INTS7: variants seen among roughly 807,000 people sequenced by gnomAD.
The protein encoded by INTS7 is integrator complex subunit 7.
Under a neutral mutation model 109.2 loss-of-function variants are expected in INTS7, and 46 were observed. That is an observed-to-expected ratio of 0.42 (90% CI 0.33 to 0.54). The LOEUF (loss-of-function observed/expected upper bound fraction) is 0.54. Among genes scored for constraint, INTS7 ranks in the 20% least tolerant of loss-of-function variants. The pLI, the probability that INTS7 is intolerant of heterozygous loss-of-function variation, is 0.07. For missense variants in INTS7, 929 were observed against 1,132.4 expected (o/e 0.82, Z 2.58); for synonymous variants, 412 against 402.9 (o/e 1.02, Z -0.27).
intron 17 of INTS7, among the ~76,000 whole-genome samples, chr1:211,948,107 C>T (rs1212028214): frequency 6.6e-6 from 1 of 152,182 alleles, no homozygotes; most frequent in Admixed American, 6.5e-5. Context: ...TGCTGTCTGT[C>T]CCTCTAGGCT....
intron 13 of INTS7, 118 bp from the exon 14 acceptor site, chr1:211,968,825 G>T: frequency 1.6e-6 from 1 of 610,876 alleles, no homozygotes; most frequent in Non-Finnish European, 2.8e-6. Context: ...AAACACTGAC[G>T]GATAAAGACC....
At chr1:212,015,242 C>T (rs1196223419) in intron 4 of INTS7, among the ~76,000 whole-genome samples, 1 of 151,950 alleles carries the variant, frequency 6.6e-6, no homozygotes, top group African/African-American at 2.4e-5. Flanking sequence ...GCCATGACGA[C>T]GATGGGGGTT....
intron 7 of INTS7, among the ~76,000 whole-genome samples, chr1:212,005,782 C>T (rs150167712): frequency 2.4e-4 from 36 of 152,262 alleles, no homozygotes; most frequent in African/African-American, 8.4e-4. Flanking sequence ...CTCTCTTAAG[C>T]ATATTAAGTC....
At chr1:211,980,902 G>A (rs556186678) in intron 10 of INTS7, among the ~76,000 whole-genome samples, 191 bp downstream of exon 10, 15 of 152,144 alleles carry the variant, frequency 9.9e-5, no homozygotes, top group African/African-American at 3.6e-4. Flanking sequence ...TTTATGAGTC[G>A]GCTGCAGTCA....
Position 211,960,770 on chromosome 1 carries a change from T to A in INTS7, c.2183+5660A>T, listed in dbSNP as rs75066225. ...AGACAAGAATAGAGAAAAAACACTT[T>A]GGGAGGCTAAGATGGGTCGATCACT... On this transcript the variant is annotated intron_variant, in intron 16 of 19. Transcript: ENST00000366994. Among the ~76,000 whole-genome samples, 816 of 152,228 alleles carry A rather than the reference T, an allele frequency of 5.4e-3. 4 individuals are homozygous for A. The highest frequency in any genetic ancestry group is 0.019 in the African/African-American group (773 of 41,538).
chr1:212,000,472 T>C (rs1337387927), intron 7 of INTS7, among the ~76,000 whole-genome samples: 2 of 152,202 alleles, frequency 1.3e-5, no homozygotes, highest in Non-Finnish European at 2.9e-5. Context: ...CCAGTTCATT[T>C]TAAGACAGCA....
Position 211,975,474 on chromosome 1 carries a change from T to G in INTS7, c.1609-102A>C, listed in dbSNP as rs1216574968. 9 of 797,102 alleles carry G rather than the reference T, an allele frequency of 1.1e-5. No homozygotes were observed. In the Admixed American group the frequency reaches 1.8e-4, roughly 16 times the overall value. 49.4% of individuals were successfully genotyped at this position (797,102 alleles called of 1,614,324 possible). On this transcript the variant is annotated intron_variant, in intron 12 of 19. Transcript: ENST00000366994. ...AGCAGCTAAAAGAGAAACCCAAACC[T>G]TGGATAAGTCTGAACAATCATTCCT...
Position 211,982,676 on chromosome 1 carries a change from C to T in INTS7, c.1132G>A (p.Asp378Asn). 2 of 1,599,766 alleles carry T rather than the reference C, an allele frequency of 1.3e-6. No homozygotes were observed. The highest frequency in any genetic ancestry group is 8.5e-7 in the Non-Finnish European group (1 of 1,173,418). ...TAATATCAGTCCTGATCAAACTTAC[C>T]CTTTTCTTGACAAGAAACAGTTATA... ...TNITVSCQEK[D>N]LLALEQDAVF... The change falls in exon 9 of 20, where the codon GAT becomes AAT. Residue 378 changes from aspartate to asparagine, a missense_variant and splice_region_variant. Asp to Asn is a conservative substitution (Grantham distance 23, BLOSUM62 1). Coordinates refer to ENST00000366994, the MANE Select transcript of INTS7 (RefSeq NM_015434.4).
intron 7 of INTS7, 51 bp downstream of exon 7, chr1:212,006,588 T>C: frequency 1.1e-6 from 1 of 933,082 alleles, no homozygotes; most frequent in Non-Finnish European, 1.5e-6. Context: ...TTTTACTATA[T>C]TATAATGTTA....
At chr1:212,023,060 A>C (rs1377800888) in intron 1 of INTS7, among the ~76,000 whole-genome samples, 1 of 152,192 alleles carries the variant, frequency 6.6e-6, no homozygotes, top group African/African-American at 2.4e-5. Context: ...AGCTGCATCC[A>C]TGTTGCTGCA....
In INTS7 at chr1:211,989,058, A is replaced by AT. The variant is rs146150232; in HGVS notation, c.880-1056_880-1055insA. Among the ~76,000 whole-genome samples the AT allele has an allele frequency of 2.9e-4, 44 of 152,340 alleles. No homozygotes were observed. In the East Asian group the frequency reaches 7.9e-3, roughly 27 times the overall value. ...TTAAATTAATTTCCATTCTCCCACA[A>AT]AGATAAAGGTTCAGAAAATAAGCAA... On this transcript the variant is annotated intron_variant, in intron 7 of 19. Coordinates refer to ENST00000366994, the MANE Select transcript of INTS7 (RefSeq NM_015434.4).
chr1:212,016,364 T>C (rs1014152292), intron 4 of INTS7, among the ~76,000 whole-genome samples: 2 of 152,208 alleles, frequency 1.3e-5, no homozygotes, highest in East Asian at 3.8e-4. Flanking sequence ...CAATCAAACA[T>C]AGTAATAAAA....
intron 4 of INTS7, among the ~76,000 whole-genome samples, chr1:212,013,315 C>T (rs762052172): frequency 5.3e-5 from 8 of 151,936 alleles, no homozygotes; most frequent in Non-Finnish European, 1.2e-4. Flanking sequence ...GACACTGTGC[C>T]CAGCTATGTC....
intron 7 of INTS7, among the ~76,000 whole-genome samples, chr1:212,003,743 A>G (rs1266853154): frequency 2.0e-5 from 3 of 152,246 alleles, no homozygotes; most frequent in South Asian, 4.1e-4. Context: ...TTTTAGCAGA[A>G]TTAACTTTAG....
Position 211,942,591 on chromosome 1 carries a change from T to C in INTS7, c.2602-480A>G, listed in dbSNP as rs1287828133. Among the ~76,000 whole-genome samples the C allele has an allele frequency of 6.6e-6, 1 of 152,192 alleles. No individual in the cohort carries two copies. Among genetic ancestry groups the C allele is most frequent in the Non-Finnish European group, 1.5e-5 (1 of 68,038 alleles). ...AACAAAACACTAAGCAAATTTAAGT[T>C]AGGTTCCCCCCCAACAGTTAGTCTG... On this transcript the variant is annotated intron_variant, in intron 19 of 19. Coordinates refer to ENST00000366994, the MANE Select transcript of INTS7 (RefSeq NM_015434.4). The surrounding 1 kb of genome is among the most constrained non-coding windows in gnomAD (Gnocchi z 4.2).
chr1:211,966,122 T>C (rs1038641750), intron 16 of INTS7: 2 of 175,612 alleles, frequency 1.1e-5, no homozygotes, highest in African/African-American at 4.7e-5. Flanking sequence ...GAAAAAAATC[T>C]CAAGTTCAAG....
rs986387354 is a variant in INTS7 at position 211,946,714 on chromosome 1, A to T, written c.2317-9T>A. The T allele has an allele frequency of 6.3e-7, 1 of 1,577,624 alleles. No homozygotes were observed. The highest frequency in any genetic ancestry group is 1.4e-5 in the African/African-American group (1 of 73,476). Reference sequence around the variant, plus strand: ...CAGAGGCATGCTGTGTGCTGGGGGAAAAAAGAAACTAAATCAAATAAAAAT... The same window carrying T: ...CAGAGGCATGCTGTGTGCTGGGGGATAAAAGAAACTAAATCAAATAAAAAT... On this transcript the variant is annotated splice_polypyrimidine_tract_variant and intron_variant, in intron 17 of 19. Coordinates refer to ENST00000366994, the MANE Select transcript of INTS7 (RefSeq NM_015434.4). This position sits in a 1 kb window ranked among gnomAD's most constrained non-coding sequence, Gnocchi z 4.3.
chr1:212,008,598 C>T (rs1003790037), intron 5 of INTS7, among the ~76,000 whole-genome samples: 2 of 152,116 alleles, frequency 1.3e-5, no homozygotes, highest in African/African-American at 4.8e-5. Flanking sequence ...CCTCCTGCCC[C>T]GACGTCAGAC....
intron 5 of INTS7, among the ~76,000 whole-genome samples, chr1:212,010,659 G>A (rs1006752557): frequency 2.6e-5 from 4 of 152,150 alleles, no homozygotes; most frequent in South Asian, 4.1e-4. Flanking sequence ...TGTAGTCATT[G>A]TAACACCACA....
Sources: allele counts gnomAD v4.1 joint callset (sites outside exome capture counted in the v4.1 genomes callset), GRCh38; gene constraint gnomAD v4.1.1; non-coding constraint Gnocchi (gnomAD v3.1); transcripts MANE v1.5; gene names NCBI Gene and HGNC (gene_info 2026-07-23, HGNC 2026-07-21).